Variants in KDM5B observed in about 807,000 individuals in gnomAD.
The protein encoded by KDM5B is lysine demethylase 5B.
Under a neutral mutation model 193.4 loss-of-function variants are expected in KDM5B, and 144 were observed. The observed-to-expected ratio is 0.74, with a 90% CI of 0.65 to 0.86. KDM5B has a LOEUF of 0.86. Among genes scored for constraint, KDM5B ranks in the 40% least tolerant of loss-of-function variants. KDM5B has a pLI of 0.00. For missense variants in KDM5B, 1,833 were observed against 1,886.9 expected (o/e 0.97, Z 0.53); for synonymous variants, 668 against 682.6 (o/e 0.98, Z 0.33).
chr1:202,729,267 A>G (rs923686130), intron 26 of KDM5B, 94 bp from the exon 27 acceptor site: 32 of 1,390,062 alleles, frequency 2.3e-5, no homozygotes, highest in African/African-American at 1.1e-4. Context: ...CCGTTTGCCA[A>G]TAACAGCCAC....
intron 1 of KDM5B, among the ~76,000 whole-genome samples, chr1:202,792,733 C>A (rs780022747): frequency 4.6e-5 from 7 of 152,178 alleles, no homozygotes; most frequent in Admixed American, 4.6e-4. Context: ...CAGTGGCCCA[C>A]GCCTGTAATC....
At chr1:202,762,367 G>A (rs1656286603) in intron 7 of KDM5B, among the ~76,000 whole-genome samples, 1 of 152,156 alleles carries the variant, frequency 6.6e-6, no homozygotes, top group Non-Finnish European at 1.5e-5. Flanking sequence ...AGCTCATGTA[G>A]AAGTGAGCTA....
At chr1:202,803,153 T>C (rs1658144922) in intron 1 of KDM5B, among the ~76,000 whole-genome samples, 1 of 147,634 alleles carries the variant, frequency 6.8e-6, no homozygotes, top group South Asian at 2.1e-4. Context: ...AGAGTGAGAT[T>C]AAAAAAAAAA....
intron 20 of KDM5B, among the ~76,000 whole-genome samples, chr1:202,738,002 TATGA>T (rs1037313363): frequency 2.0e-5 from 3 of 152,240 alleles, no homozygotes; most frequent in African/African-American, 7.2e-5. Flanking sequence ...ATGCTATTCC[TATGA>T]TATTTAATTT....
intron 3 of KDM5B, among the ~76,000 whole-genome samples, chr1:202,774,297 T>G (rs1209839548): frequency 1.3e-5 from 2 of 152,174 alleles, no homozygotes; most frequent in Non-Finnish European, 2.9e-5. Flanking sequence ...CAGGCTGGAG[T>G]GCAGTGGTGC....
chr1:202,747,572 A>T lies in KDM5B; in HGVS notation c.2017-1249T>A, dbSNP rs1392632392. Reference sequence around the variant, plus strand: ...TACCCAAAAAGGCACATATTTTTAAAAAAAAAAAAAAAAACAGTATTACTA... The same window carrying T: ...TACCCAAAAAGGCACATATTTTTAATAAAAAAAAAAAAAACAGTATTACTA... On this transcript the variant is annotated intron_variant, in intron 14 of 26. Coordinates refer to ENST00000367265, the MANE Select transcript of KDM5B (RefSeq NM_006618.5). Among the ~76,000 whole-genome samples, 73 of 151,294 alleles carry T rather than the reference A, an allele frequency of 4.8e-4. 1 individual carries two copies. Among genetic ancestry groups the T allele is most frequent in the African/African-American group, 1.2e-3 (48 of 41,266 alleles).
chr1:202,790,179 C>CGCT (rs1283732267), intron 1 of KDM5B, among the ~76,000 whole-genome samples: 1 of 150,914 alleles, frequency 6.6e-6, no homozygotes, highest in African/African-American at 2.4e-5. Context: ...GCAGGAGAAT[C>CGCT]TCAAACTCGG....
chr1:202,747,139 A>C (rs1655591122), intron 14 of KDM5B, among the ~76,000 whole-genome samples: 1 of 152,164 alleles, frequency 6.6e-6, no homozygotes, highest in Admixed American at 6.5e-5. Context: ...CCTGTATTTT[A>C]ACCTTTTAAC....
rs777283441 is a variant in KDM5B at position 202,730,014 on chromosome 1, C to T, written c.4190G>A (p.Arg1397Gln). The change falls in exon 26 of 27, where the codon CGA becomes CAA. Residue 1397 changes from arginine to glutamine, a missense_variant. Transcript: ENST00000367265. ...ACTGTTAATTCCATCTCGCTTCCCT[C>T]GGCAACAGTCATTCTGGGTGGAAGA... ...RPSSEKNDCC[R>Q]GKRDGINSLE... 11 of 1,609,950 alleles carry T rather than the reference C, an allele frequency of 6.8e-6. No homozygotes were observed. The highest frequency in any genetic ancestry group is 6.7e-5 in the African/African-American group (5 of 74,550).
chr1:202,756,293 T>C (rs1656007592), intron 10 of KDM5B, 65 bp downstream of exon 10: 2 of 1,333,638 alleles, frequency 1.5e-6, no homozygotes, highest in East Asian at 4.7e-5. Context: ...AATCATAAGT[T>C]ACTTCAAGCC....
chr1:202,798,921 G>A (rs779551467), intron 1 of KDM5B, among the ~76,000 whole-genome samples: 9 of 152,104 alleles, frequency 5.9e-5, no homozygotes, highest in Non-Finnish European at 1.3e-4. Flanking sequence ...TCAGGAGGCC[G>A]AGGTGAGAGG....
Position 202,773,279 on chromosome 1 carries a change from C to A in KDM5B, c.415G>T (p.Glu139Ter). Reference protein sequence around the residue: ...DLFQLNKLVAEEGGFAVVCKD... With the variant: ...DLFQLNKLVA ...CAAACAACTGCAAATCCACCTTCTT[C>A]TGCAACTAACTGTTAAAATAGCAAA... Residue 139 changes from glutamate (E) to a stop codon, truncating the protein, a stop_gained, in exon 4 of 27, where the codon GAA becomes TAA. Coordinates refer to ENST00000367265, the MANE Select transcript of KDM5B (RefSeq NM_006618.5). LOFTEE classifies it high-confidence loss of function. 6.2e-7 allele frequency: 1 copy of A among 1,613,946 alleles called. No individual in the cohort carries two copies. Among genetic ancestry groups the A allele is most frequent in the Non-Finnish European group, 8.5e-7 (1 of 1,179,950 alleles).
At chr1:202,785,584 A>G (rs1657376143) in intron 1 of KDM5B, among the ~76,000 whole-genome samples, 1 of 90,190 alleles carries the variant, frequency 1.1e-5, no homozygotes, top group Non-Finnish European at 2.7e-5. Context: ...GAACCCTCAG[A>G]CAACATTTAC....
intron 22 of KDM5B, among the ~76,000 whole-genome samples, chr1:202,734,614 C>G (rs1032960256): frequency 1.3e-5 from 2 of 152,216 alleles, no homozygotes. Flanking sequence ...GAGAGGGGGA[C>G]TGTAACTTTC....
intron 14 of KDM5B, among the ~76,000 whole-genome samples, chr1:202,747,384 TCA>T (rs1655599882): frequency 6.6e-6 from 1 of 152,086 alleles, no homozygotes; most frequent in Non-Finnish European, 1.5e-5. Context: ...GGAAAAAGTC[TCA>T]GAGTTCTAAA....
chr1:202,793,892 C>A (rs1245278335), intron 1 of KDM5B, among the ~76,000 whole-genome samples: 1 of 152,178 alleles, frequency 6.6e-6, no homozygotes, highest in South Asian at 2.1e-4. Flanking sequence ...TGGGCTGCTA[C>A]CAAGCACAAT....
At chr1:202,734,805 GAGA>G (rs1204507725) in intron 22 of KDM5B, among the ~76,000 whole-genome samples, 1 of 152,204 alleles carries the variant, frequency 6.6e-6, no homozygotes, top group African/African-American at 2.4e-5. Flanking sequence ...AAATCAATGG[GAGA>G]AGGTGTCCAG....
intron 1 of KDM5B, among the ~76,000 whole-genome samples, chr1:202,781,788 T>C (rs1031701180): frequency 2.0e-5 from 3 of 152,208 alleles, no homozygotes; most frequent in African/African-American, 7.2e-5. Flanking sequence ...TGTCAGAATA[T>C]AGAAGTAAAT....
At chr1:202,746,379 C>G in intron 14 of KDM5B, 56 bp from the exon 15 acceptor site, 1 of 1,110,804 alleles carries the variant, frequency 9.0e-7, no homozygotes, top group Non-Finnish European at 1.3e-6. Context: ...TCCACCAGCC[C>G]AAGACAAACA....
Sources: gnomAD v4.1 joint callset for allele counts (sites outside exome capture counted in the v4.1 genomes callset) on GRCh38, gnomAD v4.1.1 for gene constraint, MANE v1.5 for transcripts, NCBI Gene and HGNC (gene_info 2026-07-23, HGNC 2026-07-21) for gene names.